The following MARCHF2 variants were observed in gnomAD, a reference collection of about 807,000 sequenced individuals.
The protein encoded by MARCHF2 is membrane associated ring-CH-type finger 2, also known as E3 ubiquitin-protein ligase MARCHF2.
In MARCHF2, 22 loss-of-function variants were observed where a neutral mutation model predicts 24.0. The ratio of observed to expected loss-of-function variants is 0.92; its 90% CI spans 0.66 to 1.31. The LOEUF is 1.31. MARCHF2 is among the 50% of genes most tolerant of loss of function. The pLI is 0.00. For synonymous variants in MARCHF2, 154 were observed against 153.0 expected, an observed-to-expected ratio of 1.01 and a Z score of -0.05; for missense variants, 301 against 335.3, an observed-to-expected ratio of 0.90 and a Z score of 0.80.
At chr19:8,425,619 ATT>A (rs199582202) in intron 2 of MARCHF2, among the ~76,000 whole-genome samples, 15 of 136,272 alleles carry the variant, frequency 1.1e-4, no homozygotes, top group African/African-American at 1.3e-4. Context: ...GTCCTTGAGG[ATT>A]TTTTTTTTTT....
chr19:8,431,779 A>G (rs549576138), intron 4 of MARCHF2, among the ~76,000 whole-genome samples: 1 of 152,296 alleles, frequency 6.6e-6, no homozygotes, highest in Non-Finnish European at 1.5e-5. Context: ...CAGAGGTTGC[A>G]GAGAGCCGAT....
intron 1 of MARCHF2, among the ~76,000 whole-genome samples, chr19:8,420,114 C>G (rs549943788): frequency 7.0e-6 from 1 of 143,592 alleles, no homozygotes; most frequent in Admixed American, 7.0e-5. Context: ...GCTGAGATCG[C>G]GCCACTGCAC....
chr19:8,426,230 CAAAAA>C (rs71175854), intron 2 of MARCHF2, among the ~76,000 whole-genome samples: 1 of 43,296 alleles, frequency 2.3e-5, no homozygotes, highest in African/African-American at 7.2e-5. Flanking sequence ...GACTCTGTCT[CAAAAA>C]AAAAAAAAAA....
intron 2 of MARCHF2, chr19:8,423,859 T>A (rs1370473085): frequency 6.6e-6 from 1 of 151,600 alleles, no homozygotes; most frequent in Admixed American, 6.6e-5. Context: ...AAATATTAGC[T>A]GTGTGGCGTG....
chr19:8,420,653 GTCTTC>G (rs1461815168), intron 1 of MARCHF2, among the ~76,000 whole-genome samples: 2 of 151,806 alleles, frequency 1.3e-5, no homozygotes, highest in Non-Finnish European at 1.5e-5. Context: ...AGCTTTTCTT[GTCTTC>G]TCTTTTTTAG....
chr19:8,413,551 G>A (rs1026481093), intron 1 of MARCHF2, 131 bp downstream of exon 1: 14 of 152,174 alleles, frequency 9.2e-5, no homozygotes, highest in African/African-American at 2.9e-4. Flanking sequence ...TCGGGGACGC[G>A]GGGACCTCAG....
chr19:8,423,921 G>A (rs976849734), intron 2 of MARCHF2, among the ~76,000 whole-genome samples: 6 of 148,626 alleles, frequency 4.0e-5, no homozygotes, highest in Non-Finnish European at 8.9e-5. Context: ...AGGATCGCTC[G>A]AGCTAGGGAG....
At position 8,430,948 on chromosome 19, in the gene MARCHF2, G is replaced by A. The variant is rs1568240526; in HGVS notation, c.582+81G>A. On this transcript the variant is annotated intron_variant, in intron 4 of 4. Transcript: ENST00000215555. This position sits in a 1 kb window ranked among gnomAD's most constrained non-coding sequence, Gnocchi z 4.4. Reference sequence around the variant, plus strand: ...GGGCCAAGGATTTGGCCCCTGGCTTGTGGGGCACGGGGCTCCCTGGCTGCC... The same window carrying A: ...GGGCCAAGGATTTGGCCCCTGGCTTATGGGGCACGGGGCTCCCTGGCTGCC... 2.1e-6 allele frequency: 3 copies of A among 1,396,822 alleles called. No homozygotes were observed. The highest frequency in any genetic ancestry group is 1.3e-5 in the South Asian group (1 of 75,442). The allele number at this position is 1,396,822 out of a possible 1,614,324, so 86.5% of individuals were successfully genotyped here.
chr19:8,431,497 CAAAAAAAAA>C (rs60782968), intron 4 of MARCHF2, among the ~76,000 whole-genome samples: 2 of 57,498 alleles, frequency 3.5e-5, no homozygotes, highest in East Asian at 6.0e-4. Flanking sequence ...AACTCGATCT[CAAAAAAAAA>C]AAAAAAAAAA....
chr19:8,427,643 C>G (rs1967444216), intron 3 of MARCHF2: 1 of 152,018 alleles, frequency 6.6e-6, no homozygotes, highest in Non-Finnish European at 1.5e-5. Context: ...GGAGGTGAAC[C>G]CCCCAGCTGA....
intron 2 of MARCHF2, chr19:8,423,805 G>A (rs551071702): frequency 2.0e-5 from 3 of 151,992 alleles, no homozygotes; most frequent in African/African-American, 7.3e-5. Flanking sequence ...CTCAAGACCA[G>A]CCTGGTCAAC....
At chr19:8,426,180 G>A (rs1967394636) in intron 2 of MARCHF2, among the ~76,000 whole-genome samples, 2 of 140,106 alleles carry the variant, frequency 1.4e-5, no homozygotes, top group African/African-American at 2.6e-5. Context: ...GCAGTGAGCC[G>A]AGATCGCACC....
In MARCHF2 at chr19:8,430,899, C is replaced by G; in HGVS notation, c.582+32C>G. Reference sequence around the variant, plus strand: ...GGCTGTGGTTGTGCAGCACGCGTCTCGAGCTCTGCCGCTGGGAGCAGCAGG... The same window carrying G: ...GGCTGTGGTTGTGCAGCACGCGTCTGGAGCTCTGCCGCTGGGAGCAGCAGG... On this transcript the variant is annotated intron_variant, in intron 4 of 4. Coordinates refer to ENST00000215555, the MANE Select transcript of MARCHF2 (RefSeq NM_001005415.2). The surrounding 1 kb of genome is among the most constrained non-coding windows in gnomAD (Gnocchi z 4.4). The G allele has an allele frequency of 6.5e-7, 1 of 1,534,908 alleles. No homozygotes were observed. Among genetic ancestry groups the G allele is most frequent in the Non-Finnish European group, 8.8e-7 (1 of 1,139,614 alleles).
At chr19:8,421,126 T>G (rs1200608298) in intron 1 of MARCHF2, among the ~76,000 whole-genome samples, 3 of 140,574 alleles carry the variant, frequency 2.1e-5, no homozygotes, top group Admixed American at 7.2e-5. Context: ...TTTTTTTGGG[T>G]TTTTTTTTTT....
chr19:8,424,998 C>T (rs1182707542), intron 2 of MARCHF2, among the ~76,000 whole-genome samples: 3 of 152,048 alleles, frequency 2.0e-5, no homozygotes, highest in East Asian at 3.8e-4. Context: ...GCTTTGAACT[C>T]CTGGGCACAT....
chr19:8,426,516 T>G, intron 2 of MARCHF2, 93 bp from the exon 3 acceptor site: 5 of 978,514 alleles, frequency 5.1e-6, no homozygotes, highest in African/African-American at 1.6e-5. Context: ...AGTGGCAGCA[T>G]GGGGTAAGGG....
intron 2 of MARCHF2, among the ~76,000 whole-genome samples, chr19:8,425,375 G>A (rs1472658953): frequency 6.7e-6 from 1 of 150,176 alleles, no homozygotes; most frequent in East Asian, 2.0e-4. Flanking sequence ...ACTCCAGCCT[G>A]ATGACAGAGC....
At chr19:8,425,079 T>C (rs530560207) in intron 2 of MARCHF2, among the ~76,000 whole-genome samples, 2 of 151,880 alleles carry the variant, frequency 1.3e-5, no homozygotes, top group East Asian at 3.9e-4. Context: ...GATAAGTCTT[T>C]AAAAAAAATT....
chr19:8,438,726 A>C lies in MARCHF2; in HGVS notation c.*180A>C. 4 of 517,334 alleles carry C rather than the reference A, an allele frequency of 7.7e-6. No homozygotes were observed. Among genetic ancestry groups the C allele is most frequent in the Non-Finnish European group, 9.8e-6 (3 of 307,452 alleles). The allele number at this position is 517,334 out of a possible 1,614,324, so 32.0% of individuals were successfully genotyped here. On this transcript the variant is annotated 3_prime_UTR_variant, in exon 5 of 5. Transcript: ENST00000215555. ...TGTGATCCTGTGTGAAGATATTTTC[A>C]GGGTTTTTTTTTTTTTTTTTTTGCA...
Sources: allele counts gnomAD v4.1 joint callset (sites outside exome capture counted in the v4.1 genomes callset), GRCh38; gene constraint gnomAD v4.1.1; non-coding constraint Gnocchi (gnomAD v3.1); transcripts MANE v1.5; gene names NCBI Gene and HGNC (gene_info 2026-07-23, HGNC 2026-07-21).